ELF1: variants seen among roughly 807,000 people sequenced by gnomAD.
ELF1 encodes the protein E74 like ETS transcription factor 1.
A neutral mutation model predicts 59.9 loss-of-function variants in ELF1; 24 were observed. The observed-to-expected ratio is 0.40, with a 90% CI of 0.29 to 0.56. ELF1 has a LOEUF of 0.56. ELF1 is among the 20% of genes least tolerant of loss of function. ELF1 has a pLI of 0.44. For synonymous variants in ELF1, 248 were observed against 266.2 expected (o/e 0.93, Z 0.67); for missense variants, 627 against 742.2 (o/e 0.84, Z 1.80).
At chr13:41,005,033 G>A (rs1292763499) in intron 1 of ELF1, among the ~76,000 whole-genome samples, 1 of 152,122 alleles carries the variant, frequency 6.6e-6, no homozygotes, top group African/African-American at 2.4e-5. Flanking sequence ...TAACTGACAG[G>A]AAGCACAGAG....
intron 1 of ELF1, among the ~76,000 whole-genome samples, chr13:41,037,784 A>G (rs189728787): frequency 2.6e-5 from 4 of 152,124 alleles, no homozygotes; most frequent in Admixed American, 2.6e-4. Flanking sequence ...CGACTAAGCG[A>G]GACTCCGTCT....
At chr13:40,976,949 A>G (rs1277014392) in intron 2 of ELF1, among the ~76,000 whole-genome samples, 6 of 152,142 alleles carry the variant, frequency 3.9e-5, no homozygotes, top group Admixed American at 6.5e-5. Context: ...GAGATTCTAT[A>G]AAAATTTGTT....
In ELF1 at chr13:41,006,033, A is replaced by T. The variant is rs1874735082; in HGVS notation, c.-229+13195T>A. On this transcript the variant is annotated intron_variant, in intron 1 of 8. Transcript: ENST00000239882. The stretch of plus-strand genomic sequence containing the variant: ...AAAACCACTCTTCATATTTTACTTC[A>T]CAGAAGTCCATCTTCAGCTTCCTGT... Among the ~76,000 whole-genome samples the T allele has an allele frequency of 2.0e-5, 3 of 152,254 alleles. No homozygotes were observed. In the South Asian group the frequency reaches 6.2e-4, roughly 32 times the overall value.
upstream of ELF1, among the ~76,000 whole-genome samples, chr13:41,020,765 T>C (rs1371895749): frequency 6.6e-6 from 1 of 152,178 alleles, no homozygotes; most frequent in Non-Finnish European, 1.5e-5. Context: ...CGCTGAGCAG[T>C]CACGGGAGAT....
intron 3 of ELF1, among the ~76,000 whole-genome samples, chr13:40,955,840 C>A (rs1871357248): frequency 7.2e-6 from 1 of 137,946 alleles, no homozygotes; most frequent in Non-Finnish European, 1.6e-5. Flanking sequence ...TGCCCGGCCA[C>A]CCCTACTGGG....
intron 1 of ELF1, chr13:40,992,962 T>A (rs1055435259): frequency 3.3e-6 from 3 of 904,782 alleles, no homozygotes; most frequent in Non-Finnish European, 5.5e-6. Flanking sequence ...ACTTTTTTGT[T>A]CTGTTCTTTC....
chr13:41,012,962 T>C (rs1409935117), intron 1 of ELF1, among the ~76,000 whole-genome samples: 1 of 152,194 alleles, frequency 6.6e-6, no homozygotes, highest in East Asian at 1.9e-4. Flanking sequence ...ATTGGGAACA[T>C]GTATTTATTA....
At chr13:41,046,950 A>G (rs1237229560) in intron 1 of ELF1, among the ~76,000 whole-genome samples, 1 of 152,174 alleles carries the variant, frequency 6.6e-6, no homozygotes, top group Non-Finnish European at 1.5e-5. Context: ...GTCTTTTCAC[A>G]TAGTCCCACA....
At chr13:40,954,484 C>G (rs1458464818) in intron 3 of ELF1, among the ~76,000 whole-genome samples, 1 of 151,462 alleles carries the variant, frequency 6.6e-6, no homozygotes, top group African/African-American at 2.4e-5. Flanking sequence ...TCCACGGTCT[C>G]CCCCTGATGC....
intron 2 of ELF1, among the ~76,000 whole-genome samples, chr13:40,978,792 C>CAA (rs201877250): frequency 1.9e-5 from 2 of 107,344 alleles, no homozygotes; most frequent in East Asian, 2.6e-4. Context: ...AAAGACTGGC[C>CAA]AAAAAAAAAA....
chr13:40,991,727 G>A (rs1873863233), intron 1 of ELF1, among the ~76,000 whole-genome samples: 2 of 151,980 alleles, frequency 1.3e-5, no homozygotes, highest in African/African-American at 4.8e-5. Flanking sequence ...CAAATAACTT[G>A]ATATTATTTC....
intron 1 of ELF1, among the ~76,000 whole-genome samples, chr13:41,001,555 C>T (rs973870148): frequency 3.3e-5 from 5 of 152,084 alleles, no homozygotes; most frequent in African/African-American, 4.8e-5. Context: ...ACCAAAATAG[C>T]GTGGTTGGCA....
intron 3 of ELF1, among the ~76,000 whole-genome samples, chr13:40,955,922 G>T (rs1871375015): frequency 9.0e-6 from 1 of 110,852 alleles, no homozygotes; most frequent in African/African-American, 3.7e-5. Context: ...CCCCCGCCCG[G>T]CCAGCCGCCC....
chr13:41,036,758 G>A (rs1876397809), intron 1 of ELF1, among the ~76,000 whole-genome samples: 1 of 152,150 alleles, frequency 6.6e-6, no homozygotes, highest in African/African-American at 2.4e-5. Flanking sequence ...TATACACCAT[G>A]GAATACTATG....
chr13:41,019,140 G>A, intron 1 of ELF1, 88 bp downstream of exon 1: 1 of 941,184 alleles, frequency 1.1e-6, no homozygotes, highest in South Asian at 4.9e-5. Flanking sequence ...AACACATTCA[G>A]CCATGTTCTT....
intron 1 of ELF1, among the ~76,000 whole-genome samples, chr13:40,987,595 A>AG (rs902294844): frequency 1.5e-5 from 2 of 131,708 alleles, no homozygotes; most frequent in Non-Finnish European, 3.4e-5. Context: ...AAAAAAAAAA[A>AG]AAAAAAAAAG....
chr13:41,006,422 C>T (rs766355462), intron 1 of ELF1, among the ~76,000 whole-genome samples: 3 of 152,230 alleles, frequency 2.0e-5, no homozygotes, highest in East Asian at 3.9e-4. Context: ...GGCTCTGATG[C>T]TTAGTGAAAT....
rs551943432 is a variant in ELF1, at chr13:40,992,557, TCACATTG to T, written c.-228-10282_-228-10276del. ...AGAAATAATGAAGGAAGAATGAATT[TCACATTG>T]CACATATGACATATTTAAAAATATT... On this transcript the variant is annotated intron_variant, in intron 1 of 8. Coordinates refer to ENST00000239882, the MANE Select transcript of ELF1 (RefSeq NM_172373.4). Among the ~76,000 whole-genome samples, 558 of 152,372 alleles carry T rather than the reference TCACATTG, an allele frequency of 3.7e-3. 3 individuals are homozygous for T. Among genetic ancestry groups the T allele is most frequent in the African/African-American group, 0.013 (535 of 41,576 alleles).
intron 1 of ELF1, among the ~76,000 whole-genome samples, chr13:41,033,470 T>C (rs2138410442): frequency 6.6e-6 from 1 of 152,296 alleles, no homozygotes; most frequent in Non-Finnish European, 1.5e-5. Context: ...TAACTATTGA[T>C]AAATACAACT....
Sources: allele counts gnomAD v4.1 joint callset (sites outside exome capture counted in the v4.1 genomes callset), GRCh38; gene constraint gnomAD v4.1.1; transcripts MANE v1.5; gene names NCBI Gene and HGNC (gene_info 2026-07-23, HGNC 2026-07-21).